DGKB: variants seen among roughly 807,000 people sequenced by gnomAD.
The protein encoded by DGKB is 90 kDa diacylglycerol kinase.
DGKB carries 67 observed loss-of-function variants against 114.3 expected under a neutral mutation model. The observed-to-expected ratio is 0.59, with a 90% CI of 0.48 to 0.72. The LOEUF (loss-of-function observed/expected upper bound fraction) is 0.72. Among genes scored for constraint, DGKB ranks in the 30% least tolerant of loss-of-function variants. DGKB has a pLI of 0.00. For missense variants in DGKB, 907 were observed against 975.2 expected, an observed-to-expected ratio of 0.93 and a Z score of 0.93; for synonymous variants, 398 against 323.1, an observed-to-expected ratio of 1.23 and a Z score of -2.49.
chr7:14,769,184 AAAG>A (rs1836981009), intron 2 of DGKB, among the ~76,000 whole-genome samples: 1 of 76,114 alleles, frequency 1.3e-5, no homozygotes, highest in Admixed American at 1.6e-4. Flanking sequence ...AAGAGAAAGG[AAAG>A]AAAGAAAGAA....
chr7:14,198,166 C>T (rs765045147), intron 23 of DGKB, among the ~76,000 whole-genome samples: 19 of 151,958 alleles, frequency 1.3e-4, no homozygotes, highest in Admixed American at 2.0e-4. Context: ...GGATCTGCTT[C>T]GCATAAATCA....
chr7:14,405,940 T>C (rs1215869411), intron 21 of DGKB, among the ~76,000 whole-genome samples: 2 of 151,986 alleles, frequency 1.3e-5, no homozygotes, highest in East Asian at 1.9e-4. Flanking sequence ...CAACACAAGA[T>C]TCGCAACAGC....
intron 5 of DGKB, among the ~76,000 whole-genome samples, chr7:14,722,711 T>C (rs1308762561): frequency 1.3e-5 from 2 of 150,180 alleles, no homozygotes; most frequent in Admixed American, 6.6e-5. Flanking sequence ...ACTTGGGAGG[T>C]TGAGGCAGGA....
At chr7:14,447,282 T>G (rs946138527) in intron 21 of DGKB, among the ~76,000 whole-genome samples, 6 of 152,048 alleles carry the variant, frequency 3.9e-5, no homozygotes, top group African/African-American at 1.2e-4. Context: ...TGCTGAGAGC[T>G]TTTCTGTTGC....
intron 6 of DGKB, among the ~76,000 whole-genome samples, chr7:14,716,828 T>C (rs144186597): frequency 0.011 from 1,618 of 152,126 alleles, 34 homozygotes; most frequent in African/African-American, 0.038. Flanking sequence ...GATTAGAAGA[T>C]AGGAGAAAAG....
intron 20 of DGKB, among the ~76,000 whole-genome samples, chr7:14,499,465 C>T (rs149575369): frequency 1.6e-4 from 24 of 151,794 alleles, no homozygotes; most frequent in South Asian, 8.3e-4. Flanking sequence ...CTATCACCCC[C>T]GAAAGATTAG....
At chr7:14,822,892 TTCATC>T (rs1049985859) in intron 2 of DGKB, among the ~76,000 whole-genome samples, 32 of 152,246 alleles carry the variant, frequency 2.1e-4, no homozygotes, top group African/African-American at 7.5e-4. Flanking sequence ...ACCTTGTTCT[TTCATC>T]TCAGAAATCA....
At chr7:14,206,472 T>A (rs1357512824) in intron 23 of DGKB, among the ~76,000 whole-genome samples, 2 of 152,012 alleles carry the variant, frequency 1.3e-5, no homozygotes, top group Admixed American at 1.3e-4. Context: ...TTCAGTATGG[T>A]TGCAGCACAG....
intron 21 of DGKB, among the ~76,000 whole-genome samples, chr7:14,375,144 G>T (rs1392114087): frequency 6.6e-6 from 1 of 152,110 alleles, no homozygotes; most frequent in East Asian, 1.9e-4. Flanking sequence ...TGGAGCATTG[G>T]TTTATGGCAT....
chr7:14,311,662 G>A (rs1002436217), intron 23 of DGKB, among the ~76,000 whole-genome samples: 1 of 152,134 alleles, frequency 6.6e-6, no homozygotes, highest in Non-Finnish European at 1.5e-5. Context: ...CCGGGCTCAA[G>A]TGATGTGCCC....
At chr7:14,681,432 TGA>T (rs1390607597) in intron 12 of DGKB, among the ~76,000 whole-genome samples, 2 of 151,926 alleles carry the variant, frequency 1.3e-5, no homozygotes, top group Non-Finnish European at 2.9e-5. Flanking sequence ...CATGTGTGTG[TGA>T]GTGTGTGTGT....
intron 23 of DGKB, among the ~76,000 whole-genome samples, chr7:14,326,150 A>G (rs1013656885): frequency 6.6e-6 from 1 of 151,952 alleles, no homozygotes. Context: ...CCTGTGTGTA[A>G]GAAACTCAGT....
At chr7:14,925,985 T>C (rs894988639) in intron 1 of DGKB, among the ~76,000 whole-genome samples, 3 of 152,154 alleles carry the variant, frequency 2.0e-5, no homozygotes, top group Non-Finnish European at 4.4e-5. Flanking sequence ...TTGCCTGATC[T>C]TGAACATTCA....
At chr7:14,352,608 T>A (rs907664847) in intron 21 of DGKB, among the ~76,000 whole-genome samples, 1 of 152,156 alleles carries the variant, frequency 6.6e-6, no homozygotes, top group African/African-American at 2.4e-5. Context: ...ACCAATCATG[T>A]TAAGAATTGA....
At chr7:14,669,617 G>T (rs1465854807) in intron 13 of DGKB, among the ~76,000 whole-genome samples, 2 of 152,034 alleles carry the variant, frequency 1.3e-5, no homozygotes, top group African/African-American at 4.8e-5. Context: ...CTTATTTATT[G>T]TGTATATTTA....
At chr7:14,298,131 C>T (rs2128483144) in intron 23 of DGKB, among the ~76,000 whole-genome samples, 2 of 152,226 alleles carry the variant, frequency 1.3e-5, no homozygotes, top group South Asian at 4.2e-4. Context: ...CCATACTGCC[C>T]AAAGTAATTT....
chr7:14,516,007 C>T (rs1320404588), intron 20 of DGKB, among the ~76,000 whole-genome samples: 1 of 151,998 alleles, frequency 6.6e-6, no homozygotes, highest in African/African-American at 2.4e-5. Flanking sequence ...ACCACCACCA[C>T]CTGGCTAATT....
intron 1 of DGKB, among the ~76,000 whole-genome samples, chr7:14,932,018 C>A (rs533856201): frequency 6.6e-6 from 1 of 152,236 alleles, no homozygotes; most frequent in South Asian, 2.1e-4. Context: ...GGACCATGGA[C>A]AGACTGCCAA....
intron 21 of DGKB, among the ~76,000 whole-genome samples, chr7:14,406,877 G>T (rs1824020394): frequency 6.6e-6 from 1 of 152,072 alleles, no homozygotes; most frequent in Admixed American, 6.6e-5. Context: ...TTGAGGGCTT[G>T]ATCTATGTTT....
Sources: gnomAD v4.1 joint callset for allele counts (sites outside exome capture counted in the v4.1 genomes callset) on GRCh38, gnomAD v4.1.1 for gene constraint, MANE v1.5 for transcripts, NCBI Gene and HGNC (gene_info 2026-07-23, HGNC 2026-07-21) for gene names.